ASIC2: variants seen among roughly 807,000 people sequenced by gnomAD.
ASIC2 encodes acid-sensing ion channel 2.
Under a neutral mutation model 57.3 loss-of-function variants are expected in ASIC2, and 25 were observed. The ratio of observed to expected loss-of-function variants is 0.44; its 90% CI spans 0.32 to 0.61. The LOEUF (loss-of-function observed/expected upper bound fraction) is 0.61, where lower values mean the gene tolerates loss of function less well. ASIC2 is among the 20% of genes least tolerant of loss of function. The pLI is 0.06. For missense variants in ASIC2, 641 were observed against 738.1 expected, an observed-to-expected ratio of 0.87 and a Z score of 1.52; for synonymous variants, 319 against 307.5, an observed-to-expected ratio of 1.04 and a Z score of -0.39.
chr17:33,219,748 G>C (rs1366841608), intron 1 of ASIC2, among the ~76,000 whole-genome samples: 1 of 152,222 alleles, frequency 6.6e-6, no homozygotes, highest in African/African-American at 2.4e-5. Context: ...CCCGCTACCA[G>C]AGTGGGCACA....
intron 1 of ASIC2, among the ~76,000 whole-genome samples, chr17:33,968,796 T>C (rs1427291646): frequency 6.6e-6 from 1 of 152,124 alleles, no homozygotes; most frequent in Non-Finnish European, 1.5e-5. Context: ...CAGCACAGCC[T>C]GTCTAGGTGG....
intron 1 of ASIC2, among the ~76,000 whole-genome samples, chr17:33,194,538 T>C (rs1337128728): frequency 6.6e-6 from 1 of 152,214 alleles, no homozygotes; most frequent in Non-Finnish European, 1.5e-5. Context: ...AATAAGGAAT[T>C]ACTTCTTCTT....
chr17:33,772,818 G>C (rs1911154840), intron 1 of ASIC2, among the ~76,000 whole-genome samples: 1 of 152,210 alleles, frequency 6.6e-6, no homozygotes, highest in Admixed American at 6.5e-5. Context: ...TCAAATCCCA[G>C]CTTGGCCACT....
intron 1 of ASIC2, among the ~76,000 whole-genome samples, chr17:33,390,596 C>T (rs369632096): frequency 7.2e-4 from 110 of 152,290 alleles, no homozygotes; most frequent in Non-Finnish European, 1.2e-3. Context: ...GGGCTGAAGA[C>T]TCAACATGGG....
At chr17:33,457,295 A>C (rs1435624191) in intron 1 of ASIC2, among the ~76,000 whole-genome samples, 1 of 151,404 alleles carries the variant, frequency 6.6e-6, no homozygotes, top group African/African-American at 2.4e-5. Flanking sequence ...GAATCCTATG[A>C]ACTTTGAGAA....
At chr17:33,180,676 C>T (rs1014401490) in intron 1 of ASIC2, among the ~76,000 whole-genome samples, 2 of 152,160 alleles carry the variant, frequency 1.3e-5, no homozygotes, top group African/African-American at 4.8e-5. Flanking sequence ...TACTGGGAAC[C>T]TGGGCTGTGA....
At chr17:34,074,121 C>A (rs1458486884) in intron 1 of ASIC2, among the ~76,000 whole-genome samples, 2 of 152,156 alleles carry the variant, frequency 1.3e-5, no homozygotes, top group Non-Finnish European at 2.9e-5. Context: ...ATGCCAAAAT[C>A]TCAAGCCCCA....
intron 1 of ASIC2, among the ~76,000 whole-genome samples, chr17:33,817,242 A>G (rs540996058): frequency 4.4e-4 from 67 of 152,322 alleles, no homozygotes; most frequent in African/African-American, 1.6e-3. Context: ...GATTTAAACA[A>G]CCTCATGCTC....
chr17:33,578,935 G>C lies in ASIC2; in HGVS notation c.556-466868C>G, dbSNP rs146538950. Among the ~76,000 whole-genome samples the C allele has an allele frequency of 3.9e-3, 595 of 152,280 alleles. 24 individuals are homozygous for C. In the East Asian group the frequency reaches 0.096, roughly 25 times the overall value. On this transcript the variant is annotated intron_variant, in intron 1 of 9. Coordinates refer to the ASIC2 transcript ENST00000359872. ...AGATGGATGGGGTCAGAATTCTCTA[G>C]CTTCTGCTGCTGCATCCTCACCTGG...
chr17:33,803,512 G>A (rs943105049), intron 1 of ASIC2, among the ~76,000 whole-genome samples: 12 of 150,108 alleles, frequency 8.0e-5, no homozygotes, highest in African/African-American at 2.9e-4. Context: ...GATACCTAAT[G>A]TTTACTCCTA....
At chr17:33,868,293 T>G (rs1238109914) in intron 1 of ASIC2, among the ~76,000 whole-genome samples, 12 of 152,082 alleles carry the variant, frequency 7.9e-5, no homozygotes. Flanking sequence ...TCTGCCACTG[T>G]GGGATGAAAA....
chr17:33,771,775 CT>C (rs2142120922), intron 1 of ASIC2, among the ~76,000 whole-genome samples: 1 of 152,246 alleles, frequency 6.6e-6, no homozygotes, highest in African/African-American at 2.4e-5. Context: ...TTCATGTGAT[CT>C]TTTGATACAG....
chr17:33,258,745 GA>G (rs1464757740), intron 1 of ASIC2, among the ~76,000 whole-genome samples: 1 of 152,208 alleles, frequency 6.6e-6, no homozygotes, highest in African/African-American at 2.4e-5. Context: ...TGTAGAAGAA[GA>G]AACTAAAGCT....
chr17:33,271,704 A>G (rs755904141), intron 1 of ASIC2, among the ~76,000 whole-genome samples: 5 of 152,144 alleles, frequency 3.3e-5, no homozygotes, highest in African/African-American at 1.2e-4. Flanking sequence ...GTCCACCAGC[A>G]TCTCCCATCT....
intron 1 of ASIC2, among the ~76,000 whole-genome samples, chr17:33,305,652 A>G (rs927703393): frequency 3.3e-5 from 5 of 152,206 alleles, no homozygotes. Context: ...GAAACTCACA[A>G]TGATGATCTT....
rs181465050 is a variant in ASIC2, at chr17:34,027,241, A to T, written c.555+128737T>A. On this transcript the variant is annotated intron_variant, in intron 1 of 9. Coordinates refer to the ASIC2 transcript ENST00000359872. ...AGATGTATTCCTTGGAGAACTAGGA[A>T]TCAGCAGAGTTTACCCCCACCTGAA... 1.2e-4 allele frequency among the ~76,000 whole-genome samples: 18 copies of T among 152,356 alleles called. No homozygotes were observed. The East Asian group carries it at 3.1e-3, about 26-fold the overall frequency.
intron 1 of ASIC2, among the ~76,000 whole-genome samples, chr17:33,669,534 G>T (rs1478163123): frequency 6.6e-6 from 1 of 152,130 alleles, no homozygotes; most frequent in African/African-American, 2.4e-5. Context: ...CATGTTTACT[G>T]TTCATCACAA....
At chr17:33,299,809 G>C (rs565862306) in intron 1 of ASIC2, among the ~76,000 whole-genome samples, 20 of 152,300 alleles carry the variant, frequency 1.3e-4, no homozygotes, top group African/African-American at 4.6e-4. Context: ...GAGGAAGTGT[G>C]GCTGAAGCGT....
intron 6 of ASIC2, among the ~76,000 whole-genome samples, chr17:33,023,341 T>A (rs2091845546): frequency 1.3e-5 from 2 of 151,842 alleles, no homozygotes; most frequent in Non-Finnish European, 2.9e-5. Flanking sequence ...TACAAAAAAA[T>A]TAGCTGGGCA....
Sources: allele counts gnomAD v4.1 joint callset (sites outside exome capture counted in the v4.1 genomes callset), GRCh38; gene constraint gnomAD v4.1.1; transcripts MANE v1.5; gene names NCBI Gene and HGNC (gene_info 2026-07-23, HGNC 2026-07-21).